Variants in VCAN observed in about 807,000 individuals in gnomAD.
VCAN encodes the protein versican.
Under a neutral mutation model 245.5 loss-of-function variants are expected in VCAN, and 44 were observed. The observed-to-expected ratio is 0.18, with a 90% CI of 0.14 to 0.23. The LOEUF (loss-of-function observed/expected upper bound fraction) is 0.23, where lower values mean the gene tolerates loss of function less well. Among genes scored for constraint, VCAN ranks in the 10% least tolerant of loss-of-function variants. VCAN has a pLI of 1.00. For missense variants in VCAN, 3,793 were observed against 4,057.9 expected, an observed-to-expected ratio of 0.93 and a Z score of 1.77; for synonymous variants, 1,413 against 1,437.0, an observed-to-expected ratio of 0.98 and a Z score of 0.38.
At chr5:83,557,000 C>A (rs984674096) in intron 12 of VCAN, among the ~76,000 whole-genome samples, 4 of 151,964 alleles carry the variant, frequency 2.6e-5, no homozygotes, top group Non-Finnish European at 4.4e-5. Context: ...TTTTGTGAGC[C>A]CCCATCATGT....
rs1424561798 is a variant in VCAN, at chr5:83,580,076, A to C, written c.9977A>C (p.Lys3326Thr). The change falls in exon 14 of 15, where the codon AAA (lysine) becomes ACA (threonine). Residue 3326 changes from lysine (K) to threonine (T), a missense_variant. Lys to Thr is a moderately conservative substitution (Grantham distance 78, BLOSUM62 -1). Around this residue, in one of 5 missense-constraint regions of VCAN, gnomAD observed 205 missense variants for 321.1 expected, o/e 0.64. Coordinates refer to ENST00000265077, the MANE Select transcript of VCAN (RefSeq NM_004385.5). ...AACTCCCTGATTAGATACCACTGCA[A>C]AGATGGTTTCATTCAACGTCACCTT... ...EINSLIRYHC[K>T]DGFIQRHLPT... is the part of the protein sequence containing the mutation. 5 of 1,613,970 alleles carry C rather than the reference A, an allele frequency of 3.1e-6. No individual in the cohort carries two copies. The highest frequency in any genetic ancestry group is 4.2e-6 in the Non-Finnish European group (5 of 1,180,012).
chr5:83,538,101 G>C lies in VCAN; in HGVS notation c.5098G>C (p.Val1700Leu). Residue 1700 changes from valine (V) to leucine (L), a missense_variant, in exon 8 of 15, where the codon GTG (valine) becomes CTG (leucine). Val to Leu is a conservative substitution (Grantham distance 32, BLOSUM62 1). This residue lies in a region of VCAN where 3,182 missense variants were observed against 3,250.3 expected (regional missense o/e 0.98). Transcript: ENST00000265077. ...AGTTTCTGAACAACCTTCTGCAAAA[G>C]TGGTGCCTACCAAGTTTGTAAGTGA... ...YPVSEQPSAK[V>L]VPTKFVSETD... 1.9e-6 allele frequency: 3 copies of C among 1,614,096 alleles called. No homozygotes were observed. The highest frequency in any genetic ancestry group is 2.2e-5 in the East Asian group (1 of 44,870).
At chr5:83,522,841 G>A (rs1746159347) in intron 7 of VCAN, among the ~76,000 whole-genome samples, 1 of 152,140 alleles carries the variant, frequency 6.6e-6, no homozygotes, top group Non-Finnish European at 1.5e-5. Context: ...TAATGTAAGT[G>A]TTATTTTAAT....
chr5:83,537,584 T>A lies in VCAN; in HGVS notation c.4581T>A (p.Thr1527=). The change falls in exon 8 of 15, where the codon ACT becomes ACA. Residue 1527 remains threonine (T), a synonymous_variant. Transcript: ENST00000265077. The part of the protein sequence containing the change: ...KGAESVTERD[T]EVGHQAHEHT... ...CAGAATCAGTCACAGAGAGAGATAC[T>A]GAAGTTGGTCATCAGGCACATGAAC... is the stretch of plus-strand genomic sequence containing the variant. 2 of 1,613,798 alleles carry A rather than the reference T, an allele frequency of 1.2e-6. No individual in the cohort carries two copies. Among genetic ancestry groups the A allele is most frequent in the Non-Finnish European group, 1.7e-6 (2 of 1,179,862 alleles).
rs968711697 is a variant in VCAN at position 83,581,990 on chromosome 5, C to T, written c.*1556C>T. 8 of 152,082 alleles carry T rather than the reference C, an allele frequency of 5.3e-5. No individual in the cohort carries two copies. The highest frequency in any genetic ancestry group is 3.9e-4 in the Admixed American group (6 of 15,276). The allele number at this position is 152,082 out of a possible 1,614,324, so 9.4% of individuals were successfully genotyped here. ...AATATTGATTCTTTTTTTATAAAAC[C>T]TCCTTTGGCTTAGAAGGAATGACTC... On this transcript the variant is annotated 3_prime_UTR_variant, in exon 15 of 15. Coordinates refer to ENST00000265077, the MANE Select transcript of VCAN (RefSeq NM_004385.5).
Position 83,539,571 on chromosome 5 carries a change from T to A in VCAN, c.6568T>A (p.Leu2190Met). Residue 2190 changes from leucine (L) to methionine (M), a missense_variant, in exon 8 of 15, where the codon TTG becomes ATG. By Grantham distance (15) the Leu-to-Met change is conservative (BLOSUM62 2). This residue lies in a region of VCAN where 3,182 missense variants were observed against 3,250.3 expected (regional missense o/e 0.98). Transcript: ENST00000265077. ...TACTCCAGATCCAGATGCAAATGGC[T>A]TGGAATCTTACACAACTCTCCCTGA... ...MSTPDPDANG[L>M]ESYTTLPEAT... 2 of 1,614,116 alleles carry A rather than the reference T, an allele frequency of 1.2e-6. No individual in the cohort carries two copies. Among genetic ancestry groups the A allele is most frequent in the Non-Finnish European group, 1.7e-6 (2 of 1,179,998 alleles).
chr5:83,579,087 A>T (rs938915484), intron 13 of VCAN, among the ~76,000 whole-genome samples: 8 of 152,300 alleles, frequency 5.3e-5, no homozygotes, highest in Middle Eastern at 3.4e-3. Flanking sequence ...TATGAAACTC[A>T]GGCATGAATA....
intron 6 of VCAN, chr5:83,512,605 G>C: frequency 1.6e-6 from 1 of 611,628 alleles, no homozygotes. Context: ...ATTTTTAGAG[G>C]GGTGAGGAAA....
At chr5:83,476,847 A>C (rs952563733) in intron 1 of VCAN, among the ~76,000 whole-genome samples, 2 of 152,178 alleles carry the variant, frequency 1.3e-5, no homozygotes, top group African/African-American at 4.8e-5. Context: ...AGATTTACCA[A>C]CTATAAAAGG....
intron 13 of VCAN, among the ~76,000 whole-genome samples, chr5:83,572,901 A>ATTTATTTAT (rs564149689): frequency 7.3e-6 from 1 of 136,534 alleles, no homozygotes; most frequent in African/African-American, 2.8e-5. Flanking sequence ...TTATTTATTT[A>ATTTATTTAT]TTATTATTAT....
intron 5 of VCAN, 55 bp downstream of exon 5, chr5:83,493,986 C>G: frequency 6.2e-7 from 1 of 1,612,186 alleles, no homozygotes; most frequent in South Asian, 1.1e-5. Context: ...TGAGGGAAGA[C>G]CAGAAGTTCA....
At chr5:83,523,743 C>T (rs1746188425) in intron 7 of VCAN, among the ~76,000 whole-genome samples, 1 of 152,044 alleles carries the variant, frequency 6.6e-6, no homozygotes, top group South Asian at 2.1e-4. Context: ...GATTTTCTTG[C>T]TAATGATATT....
intron 12 of VCAN, among the ~76,000 whole-genome samples, 200 bp from the exon 13 acceptor site, chr5:83,572,216 C>T (rs980961137): frequency 1.8e-4 from 28 of 152,096 alleles, no homozygotes; most frequent in African/African-American, 6.0e-4. Context: ...AGTAGACATT[C>T]GTTCAATAAA....
At chr5:83,493,142 G>A (rs192909422) in intron 3 of VCAN, among the ~76,000 whole-genome samples, 4 of 152,314 alleles carry the variant, frequency 2.6e-5, no homozygotes, top group East Asian at 1.9e-4. Flanking sequence ...GGTTGACCCC[G>A]GATAAAGTCC....
At chr5:83,512,467 A>G (rs778437712) in intron 6 of VCAN, 71 bp downstream of exon 6, 6 of 1,542,172 alleles carry the variant, frequency 3.9e-6, no homozygotes, top group South Asian at 2.4e-5. Flanking sequence ...TTGATGTTCA[A>G]CTAGCCGTTG....
In VCAN at chr5:83,520,072, C is replaced by T; in HGVS notation, c.1766C>T (p.Thr589Ile). The T allele has an allele frequency of 2.5e-6, 4 of 1,614,062 alleles. No homozygotes were observed. The highest frequency in any genetic ancestry group is 3.4e-6 in the Non-Finnish European group (4 of 1,179,966). The change falls in exon 7 of 15, where the codon ACC becomes ATC. Residue 589 changes from threonine (T) to isoleucine (I), a missense_variant. Physicochemically the swap from Thr to Ile is moderately conservative, Grantham distance 89. Around this residue, in one of 5 missense-constraint regions of VCAN, gnomAD observed 3,182 missense variants for 3,250.3 expected, o/e 0.98. Transcript: ENST00000265077. ...ACGGTGTCAAAGACTTCAGAAGACA[C>T]CATCCACACTCATTTAGAAGACTTG... ...VITVSKTSEDTIHTHLEDLES... is the reference protein window; with the variant it reads ...VITVSKTSEDIIHTHLEDLES...
chr5:83,579,999 T>C lies in VCAN; in HGVS notation c.9900T>C (p.Pro3300=). The change falls in exon 14 of 15, where the codon CCT becomes CCC. Residue 3300 remains proline (P), a synonymous_variant. Coordinates refer to ENST00000265077, the MANE Select transcript of VCAN (RefSeq NM_004385.5). ...CTTTAGTCGCTTGCGGCCAGCCCCC[T>C]GTTGTAGAAAATGCCAAGACCTTTG... ...KKGTVACGQP[P]VVENAKTFGK... 9 of 1,614,118 alleles carry C rather than the reference T, an allele frequency of 5.6e-6. No individual in the cohort carries two copies. Among genetic ancestry groups the C allele is most frequent in the Non-Finnish European group, 7.6e-6 (9 of 1,179,984 alleles).
intron 1 of VCAN, among the ~76,000 whole-genome samples, chr5:83,477,900 T>C (rs1374798749): frequency 6.6e-6 from 1 of 151,568 alleles, no homozygotes; most frequent in African/African-American, 2.4e-5. Flanking sequence ...AATGATATGC[T>C]ACACCATTTT....
intron 1 of VCAN, among the ~76,000 whole-genome samples, chr5:83,479,141 A>C (rs1744525718): frequency 6.6e-6 from 1 of 152,128 alleles, no homozygotes; most frequent in Non-Finnish European, 1.5e-5. Flanking sequence ...GTGAGAAAGA[A>C]CCAGTGAGCA....
Sources: allele counts gnomAD v4.1 joint callset (sites outside exome capture counted in the v4.1 genomes callset), GRCh38; gene constraint gnomAD v4.1.1; regional missense constraint gnomAD v4.1.1; transcripts MANE v1.5; gene names NCBI Gene and HGNC (gene_info 2026-07-23, HGNC 2026-07-21).